The following AKR1E2 variants were observed in gnomAD, a reference collection of about 807,000 sequenced individuals.
AKR1E2 encodes 1,5-anhydro-D-fructose reductase.
Under a neutral mutation model 41.9 loss-of-function variants are expected in AKR1E2, and 43 were observed. That is an observed-to-expected ratio of 1.03 (90% CI 0.80 to 1.32). AKR1E2 has a LOEUF of 1.32. AKR1E2 is among the 40% of genes most tolerant of loss of function. AKR1E2 has a pLI of 0.00. For missense variants in AKR1E2, 423 were observed against 396.5 expected (o/e 1.07, Z -0.57); for synonymous variants, 121 against 138.9 (o/e 0.87, Z 0.91).
chr10:4,860,939 A>T, the AKR1E2 span, among the ~76,000 whole-genome samples: 1 of 152,286 alleles, frequency 6.6e-6, no homozygotes, highest in East Asian at 1.9e-4. Context: ...CACATAGGGG[A>T]AGTCCGTCTT....
intron 7 of AKR1E2, among the ~76,000 whole-genome samples, chr10:4,842,190 G>A (rs1420874894): frequency 6.6e-6 from 1 of 152,146 alleles, no homozygotes; most frequent in Non-Finnish European, 1.5e-5. Context: ...CCAGTGGGGG[G>A]CTGGGCGCAT....
chr10:4,835,382 A>G (rs563642823), intron 3 of AKR1E2, among the ~76,000 whole-genome samples: 1 of 152,272 alleles, frequency 6.6e-6, no homozygotes, highest in African/African-American at 2.4e-5. Flanking sequence ...TTAGTAAACT[A>G]TTTTCTGGAG....
intron 4 of AKR1E2, 94 bp downstream of exon 4, chr10:4,835,903 A>G: frequency 6.6e-7 from 1 of 1,506,248 alleles, no homozygotes; most frequent in Middle Eastern, 2.4e-4. Context: ...AAAGACATCA[A>G]GGTTGTCTAC....
chr10:4,860,516 T>C, the AKR1E2 span, among the ~76,000 whole-genome samples: 1 of 151,972 alleles, frequency 6.6e-6, no homozygotes, highest in Non-Finnish European at 1.5e-5. Context: ...AACCTCATAG[T>C]GGCTGCCAAC....
chr10:4,853,548 ATGTGCCCAT>A, the AKR1E2 span, among the ~76,000 whole-genome samples: 2 of 152,096 alleles, frequency 1.3e-5, no homozygotes, highest in African/African-American at 4.8e-5. Context: ...TCCTGAGGAC[ATGTGCCCAT>A]TGTGGTCTGG....
chr10:4,842,964 TG>T (rs542315136), intron 8 of AKR1E2, among the ~76,000 whole-genome samples: 158 of 152,350 alleles, frequency 1.0e-3, no homozygotes, highest in African/African-American at 3.6e-3. Flanking sequence ...GGGAAGATTC[TG>T]GTCCTGACTC....
intron 2 of AKR1E2, 87 bp downstream of exon 2, chr10:4,830,929 CTT>C: frequency 3.3e-6 from 5 of 1,499,672 alleles, no homozygotes; most frequent in African/African-American, 1.4e-5. Context: ...GAGTTGATGA[CTT>C]TGTTTCATAC....
chr10:4,847,300 G>A (rs1834405742), intron 9 of AKR1E2, 70 bp downstream of exon 9: 1 of 1,600,128 alleles, frequency 6.2e-7, no homozygotes, highest in Non-Finnish European at 8.5e-7. Flanking sequence ...GTCTGAATAG[G>A]TATTTATCAT....
intron 7 of AKR1E2, 150 bp from the exon 8 acceptor site, chr10:4,842,271 T>C (rs1331738778): frequency 3.0e-6 from 2 of 660,350 alleles, no homozygotes; most frequent in Non-Finnish European, 5.3e-6. Flanking sequence ...ACCAACATAT[T>C]GACAGAGCTG....
downstream of AKR1E2, among the ~76,000 whole-genome samples, chr10:4,851,769 T>G (rs1380993267): frequency 6.6e-6 from 1 of 152,192 alleles, no homozygotes; most frequent in African/African-American, 2.4e-5. Context: ...AGTAAAGTGA[T>G]GTAAGTAGAA....
At chr10:4,826,402 G>T in intron 1 of AKR1E2, 39 bp downstream of exon 1, 1 of 1,231,678 alleles carries the variant, frequency 8.1e-7, no homozygotes. Context: ...CCTGACCTAG[G>T]GGAGCGCGGG....
chr10:4,865,422 T>C, the AKR1E2 span, among the ~76,000 whole-genome samples: 1 of 152,164 alleles, frequency 6.6e-6, no homozygotes, highest in Non-Finnish European at 1.5e-5. Flanking sequence ...GTCAAGTAAT[T>C]TGTCAAAGAT....
chr10:4,857,373 A>G, the AKR1E2 span, among the ~76,000 whole-genome samples: 3 of 149,742 alleles, frequency 2.0e-5, no homozygotes, highest in African/African-American at 7.4e-5. Context: ...TTCTCATAAG[A>G]TCTAGTTATC....
At chr10:4,833,278 G>A (rs1833123311) in intron 2 of AKR1E2, 72 bp from the exon 3 acceptor site, 3 of 1,223,538 alleles carry the variant, frequency 2.5e-6, no homozygotes, top group Non-Finnish European at 3.6e-6. Flanking sequence ...CAGTAGCTTT[G>A]TGGGGCTACA....
At chr10:4,841,736 C>A (rs894537838) in intron 6 of AKR1E2, 49 bp from the exon 7 acceptor site, 1 of 1,321,532 alleles carries the variant, frequency 7.6e-7, no homozygotes, top group Non-Finnish European at 1.0e-6. Context: ...AAGAAAGGGG[C>A]ATCCATGTTG....
chr10:4,842,512 T>TATTC lies in AKR1E2; in HGVS notation c.837+9_837+12dup, dbSNP rs1237674518. ...ATTAAAGAGAATATCCAGGTAGGTG[T>TATTC]ATTCCTTCTTTTATTTGGCGGGTTT... On this transcript the variant is annotated intron_variant, in intron 8 of 9. Transcript: ENST00000298375. The TATTC allele has an allele frequency of 6.2e-7, 1 of 1,612,596 alleles. No individual in the cohort carries two copies. Among genetic ancestry groups the TATTC allele is most frequent in the Admixed American group, 1.7e-5 (1 of 59,974 alleles).
At chr10:4,872,112 G>A in the AKR1E2 span, among the ~76,000 whole-genome samples, 2 of 152,088 alleles carry the variant, frequency 1.3e-5, no homozygotes, top group African/African-American at 4.8e-5. Flanking sequence ...ATACACTGTG[G>A]AAAATAAATA....
intron 8 of AKR1E2, chr10:4,846,349 AGGG>A (rs1335921458): frequency 6.1e-6 from 1 of 163,094 alleles, no homozygotes; most frequent in Non-Finnish European, 1.3e-5. Flanking sequence ...GGACAACAAA[AGGG>A]GAGGGAAGGG....
chr10:4,838,282 T>C (rs2961586), intron 5 of AKR1E2, among the ~76,000 whole-genome samples: 31,162 of 152,112 alleles, frequency 0.2, 3,388 homozygotes, highest in Middle Eastern at 0.34. Context: ...GTCTGAACTT[T>C]ACACAGGTAA....
Sources: gnomAD v4.1 joint callset for allele counts (sites outside exome capture counted in the v4.1 genomes callset) on GRCh38, gnomAD v4.1.1 for gene constraint, MANE v1.5 for transcripts, NCBI Gene and HGNC (gene_info 2026-07-23, HGNC 2026-07-21) for gene names.